Variants in DOCK3 observed in about 807,000 individuals in gnomAD.
The protein encoded by DOCK3 is dedicator of cytokinesis protein 3.
Under a neutral mutation model 265.6 loss-of-function variants are expected in DOCK3, and 60 were observed. The ratio of observed to expected loss-of-function variants is 0.23; its 90% CI spans 0.18 to 0.28. The LOEUF is 0.28. Among genes scored for constraint, DOCK3 ranks in the 10% least tolerant of loss-of-function variants. DOCK3 has a pLI of 1.00. For missense variants in DOCK3, 1,981 were observed against 2,594.3 expected (o/e 0.76, Z 5.14); for synonymous variants, 881 against 938.0 (o/e 0.94, Z 1.11).
At chr3:50,751,586 A>G (rs2039812863) in intron 1 of DOCK3, among the ~76,000 whole-genome samples, 1 of 152,196 alleles carries the variant, frequency 6.6e-6, no homozygotes, top group South Asian at 2.1e-4. Flanking sequence ...TTCCCATCTG[A>G]TCTTATTATG....
chr3:51,314,296 T>C (rs1165940199), intron 31 of DOCK3, among the ~76,000 whole-genome samples: 4 of 151,986 alleles, frequency 2.6e-5, no homozygotes, highest in African/African-American at 9.7e-5. Flanking sequence ...ATTAAGGAAG[T>C]TGAGGGTTGA....
intron 4 of DOCK3, among the ~76,000 whole-genome samples, chr3:50,925,824 C>CTT (rs368819970): frequency 0.015 from 1,308 of 88,362 alleles, 14 homozygotes; most frequent in Non-Finnish European, 0.02. Context: ...TAAAACTAGT[C>CTT]TTTTTTTTTT....
At chr3:50,917,405 G>A (rs2050187199) in intron 4 of DOCK3, among the ~76,000 whole-genome samples, 1 of 151,922 alleles carries the variant, frequency 6.6e-6, no homozygotes, top group Non-Finnish European at 1.5e-5. Context: ...TTATCCAGGT[G>A]TCCTATTTCT....
intron 5 of DOCK3, among the ~76,000 whole-genome samples, chr3:50,992,481 G>C (rs1334617633): frequency 6.6e-6 from 1 of 152,156 alleles, no homozygotes; most frequent in Non-Finnish European, 1.5e-5. Flanking sequence ...ATTAGTAGTA[G>C]AGACAGGGTT....
At chr3:50,696,891 C>A (rs2107783015) in intron 1 of DOCK3, among the ~76,000 whole-genome samples, 1 of 151,278 alleles carries the variant, frequency 6.6e-6, no homozygotes, top group East Asian at 1.9e-4. Flanking sequence ...TAAAGCCTAC[C>A]TTTAAAGCTC....
At chr3:50,970,939 ATATATATAAT>A (rs1224286164) in intron 5 of DOCK3, among the ~76,000 whole-genome samples, 16 of 72,256 alleles carry the variant, frequency 2.2e-4, no homozygotes, top group Non-Finnish European at 3.4e-4. Flanking sequence ...ATATATATAT[ATATATATAAT>A]GTGTGTGTGT....
chr3:50,890,233 T>C (rs970761593), intron 4 of DOCK3, among the ~76,000 whole-genome samples, 152 bp downstream of exon 4: 1 of 152,100 alleles, frequency 6.6e-6, no homozygotes, highest in African/African-American at 2.4e-5. Flanking sequence ...GAGGGAATAA[T>C]GTTTTCTTAA....
chr3:50,992,741 A>G (rs9821597), intron 5 of DOCK3, among the ~76,000 whole-genome samples: 145,289 of 152,326 alleles, frequency 0.95, 69,708 homozygotes, highest in East Asian at 1. Flanking sequence ...ACAACCATTA[A>G]AAGCTACTAC....
At chr3:51,164,848 A>G (rs2086308910) in intron 12 of DOCK3, among the ~76,000 whole-genome samples, 1 of 151,442 alleles carries the variant, frequency 6.6e-6, no homozygotes, top group Non-Finnish European at 1.5e-5. Context: ...CACTAGGCCT[A>G]TTCAGGCATT....
chr3:50,916,421 T>C (rs986695523), intron 4 of DOCK3, among the ~76,000 whole-genome samples: 1 of 152,066 alleles, frequency 6.6e-6, no homozygotes, highest in East Asian at 1.9e-4. Flanking sequence ...ATGGGCCCGA[T>C]GCTTCCTTCC....
At chr3:51,208,484 C>T (rs142859568) in intron 12 of DOCK3, among the ~76,000 whole-genome samples, 7 of 152,210 alleles carry the variant, frequency 4.6e-5, no homozygotes, top group Admixed American at 1.3e-4. Flanking sequence ...ATGCATGCAA[C>T]GGGTGATAGA....
At chr3:50,888,265 G>A (rs1553694449) in intron 3 of DOCK3, among the ~76,000 whole-genome samples, 2 of 151,716 alleles carry the variant, frequency 1.3e-5, no homozygotes, top group Non-Finnish European at 1.5e-5. Flanking sequence ...TCACAATTGC[G>A]TCAAAGAGAA....
chr3:51,381,687 C>T lies in DOCK3; in HGVS notation c.*128C>T. 2.3e-6 allele frequency: 3 copies of T among 1,304,432 alleles called. No homozygotes were observed. Among genetic ancestry groups the T allele is most frequent in the Non-Finnish European group, 3.0e-6 (3 of 985,174 alleles). 80.8% of individuals were successfully genotyped at this position (1,304,432 alleles called of 1,614,324 possible). On this transcript the variant is annotated 3_prime_UTR_variant, in exon 53 of 53. Transcript: ENST00000266037. The surrounding 1 kb of genome is among the most constrained non-coding windows in gnomAD (Gnocchi z 5.6). ...GCTTGCACTCAGGAGAGAACCACCC[C>T]CAAGTCTCCGTTCTACTGCCGTGAA...
At chr3:51,380,074 G>A (rs2088496380) in intron 51 of DOCK3, 51 bp from the exon 52 acceptor site, 1 of 1,564,530 alleles carries the variant, frequency 6.4e-7, no homozygotes, top group African/African-American at 1.3e-5. Context: ...GTGCTGGCAT[G>A]AAGTCTGTGC....
Position 51,341,250 on chromosome 3 carries a change from C to T in DOCK3, c.3780C>T (p.Thr1260=), listed in dbSNP as rs2085220283. Residue 1260 remains threonine (T), a synonymous_variant, in exon 38 of 53, where the codon ACC becomes ACT. Coordinates refer to ENST00000266037, the MANE Select transcript of DOCK3 (RefSeq NM_004947.5). ...QAENYTEAAF[T]LLLYCELLQW... Reference sequence around the variant, plus strand: ...CTGTCCCCACAGAGGCCGCATTTACCCTGCTCCTTTACTGTGAGCTGCTGC... The same window carrying T: ...CTGTCCCCACAGAGGCCGCATTTACTCTGCTCCTTTACTGTGAGCTGCTGC... 2 of 1,586,708 alleles carry T rather than the reference C, an allele frequency of 1.3e-6. No individual in the cohort carries two copies. The highest frequency in any genetic ancestry group is 1.8e-4 in the Middle Eastern group (1 of 5,674).
In DOCK3 at chr3:51,232,606, TTG is replaced by T. The variant is rs568127023; in HGVS notation, c.1917+3001_1917+3002del. 2.8e-3 allele frequency among the ~76,000 whole-genome samples: 419 copies of T among 152,336 alleles called. 1 individual carries two copies. Among genetic ancestry groups the T allele is most frequent in the African/African-American group, 9.6e-3 (400 of 41,578 alleles). ...GGTGGTATCTCATTGTGGTTTTAGTTTGTGTTTCCCTGATGATTAATGATGGT... is the reference window on the plus strand; with the variant it reads ...GGTGGTATCTCATTGTGGTTTTAGTTTGTTTCCCTGATGATTAATGATGGT... On this transcript the variant is annotated intron_variant, in intron 19 of 52. Transcript: ENST00000266037.
At chr3:51,016,617 TTA>T (rs1491220043) in intron 5 of DOCK3, among the ~76,000 whole-genome samples, 55 of 54,474 alleles carry the variant, frequency 1.0e-3, no homozygotes, top group South Asian at 2.0e-3. Flanking sequence ...TATTATATAT[TTA>T]TATATATAAT....
chr3:50,956,934 C>T (rs186835673), intron 5 of DOCK3, among the ~76,000 whole-genome samples: 4 of 152,256 alleles, frequency 2.6e-5, no homozygotes, highest in Non-Finnish European at 5.9e-5. Context: ...GCCATTTCGG[C>T]TCACTGCAAC....
intron 1 of DOCK3, among the ~76,000 whole-genome samples, chr3:50,746,363 C>T (rs1445450125): frequency 6.6e-6 from 1 of 151,998 alleles, no homozygotes; most frequent in African/African-American, 2.4e-5. Context: ...CACCTCAGCC[C>T]CACAAAGTGC....
Sources: allele counts gnomAD v4.1 joint callset (sites outside exome capture counted in the v4.1 genomes callset), GRCh38; gene constraint gnomAD v4.1.1; non-coding constraint Gnocchi (gnomAD v3.1); transcripts MANE v1.5; gene names NCBI Gene and HGNC (gene_info 2026-07-23, HGNC 2026-07-21).